The following CRPPA variants were observed in gnomAD, a reference collection of about 807,000 sequenced individuals.
CRPPA encodes CDP-L-ribitol pyrophosphorylase A.
Under a neutral mutation model 52.0 loss-of-function variants are expected in CRPPA, and 43 were observed. That is an observed-to-expected ratio of 0.83 (90% confidence interval 0.65 to 1.07). CRPPA has a LOEUF of 1.07. CRPPA is among the 50% of genes least tolerant of loss of function. The probability of loss-of-function intolerance (pLI) is 0.00; values close to 1 mark genes in which losing one functional copy is unlikely to be tolerated. For synonymous variants in CRPPA, 250 were observed against 203.5 expected, an observed-to-expected ratio of 1.23 and a Z score of -1.94; for missense variants, 629 against 551.7, an observed-to-expected ratio of 1.14 and a Z score of -1.40.
At chr7:16,163,861 T>C (rs1583401256) in intron 9 of CRPPA, among the ~76,000 whole-genome samples, 1 of 152,258 alleles carries the variant, frequency 6.6e-6, no homozygotes, top group Non-Finnish European at 1.5e-5. Context: ...TCTTCTGGCT[T>C]GTAGAGTTTC....
At chr7:16,383,587 TGCCCCCAGAG>T (rs1454172932) in intron 2 of CRPPA, among the ~76,000 whole-genome samples, 3 of 152,248 alleles carry the variant, frequency 2.0e-5, no homozygotes, top group Non-Finnish European at 2.9e-5. Context: ...GTCTGTGCCC[TGCCCCCAGAG>T]GTGGAGCCTA....
chr7:16,188,038 G>T (rs1781539542), intron 9 of CRPPA, among the ~76,000 whole-genome samples: 1 of 140,944 alleles, frequency 7.1e-6, no homozygotes, highest in Non-Finnish European at 1.5e-5. Flanking sequence ...ATGAATTTGG[G>T]TGAATTTTTT....
chr7:16,216,010 C>T, intron 9 of CRPPA, 56 bp downstream of exon 9: 4 of 1,340,836 alleles, frequency 3.0e-6, no homozygotes, highest in Non-Finnish European at 4.1e-6. Context: ...AATCAGATAC[C>T]TACCATTAAA....
At chr7:16,288,682 G>A (rs950707656) in intron 5 of CRPPA, among the ~76,000 whole-genome samples, 10 of 151,010 alleles carry the variant, frequency 6.6e-5, no homozygotes, top group African/African-American at 2.4e-4. Context: ...CCCCATCTCT[G>A]CTAAACATAC....
intron 9 of CRPPA, among the ~76,000 whole-genome samples, chr7:16,118,653 T>C (rs185592848): frequency 1.3e-5 from 2 of 152,292 alleles, no homozygotes; most frequent in Admixed American, 1.3e-4. Context: ...TTTTCATTGA[T>C]AGTTAAGATG....
intron 9 of CRPPA, among the ~76,000 whole-genome samples, chr7:16,159,974 T>C (rs1783268060): frequency 6.6e-6 from 1 of 152,252 alleles, no homozygotes; most frequent in Admixed American, 6.5e-5. Flanking sequence ...CATAACCGTC[T>C]TCTTTTGAAA....
At chr7:16,190,658 T>C (rs1781590921) in intron 9 of CRPPA, among the ~76,000 whole-genome samples, 1 of 152,222 alleles carries the variant, frequency 6.6e-6, no homozygotes, top group African/African-American at 2.4e-5. Context: ...ACAGGTGGTA[T>C]TTGGTTACAT....
chr7:16,217,150 C>T (rs1782350392), intron 8 of CRPPA, among the ~76,000 whole-genome samples: 1 of 146,824 alleles, frequency 6.8e-6, no homozygotes, highest in African/African-American at 2.5e-5. Flanking sequence ...CCCGAGCAGC[C>T]TAACTGGGAG....
intron 8 of CRPPA, among the ~76,000 whole-genome samples, chr7:16,219,902 C>CAA (rs1782451823): frequency 6.7e-6 from 1 of 148,752 alleles, no homozygotes; most frequent in African/African-American, 2.5e-5. Flanking sequence ...GAAACTATTC[C>CAA]AATCAACAGA....
chr7:16,168,440 A>C (rs1343977184), intron 9 of CRPPA, among the ~76,000 whole-genome samples: 1 of 152,080 alleles, frequency 6.6e-6, no homozygotes, highest in Non-Finnish European at 1.5e-5. Context: ...TTAAATTTAT[A>C]GTCCATATTT....
intron 1 of CRPPA, among the ~76,000 whole-genome samples, chr7:16,410,743 T>A (rs1420924940): frequency 6.6e-6 from 1 of 152,112 alleles, no homozygotes; most frequent in African/African-American, 2.4e-5. Context: ...AGGGAAGGCA[T>A]CTCTCATACT....
intron 2 of CRPPA, among the ~76,000 whole-genome samples, chr7:16,395,596 T>C (rs1234528280): frequency 2.6e-5 from 4 of 152,208 alleles, no homozygotes; most frequent in African/African-American, 9.6e-5. Context: ...TTGTCCAATA[T>C]AGAAACAGAG....
At chr7:16,312,217 T>G (rs1278325402) in intron 3 of CRPPA, among the ~76,000 whole-genome samples, 1 of 152,006 alleles carries the variant, frequency 6.6e-6, no homozygotes, top group African/African-American at 2.4e-5. Context: ...GGGGAGAAAT[T>G]ACATCTTGAC....
chr7:16,374,816 C>T (rs760444436), intron 3 of CRPPA, among the ~76,000 whole-genome samples: 1 of 151,882 alleles, frequency 6.6e-6, no homozygotes, highest in South Asian at 2.1e-4. Context: ...TATCATCCAC[C>T]TGAAAAAAAA....
At chr7:16,328,489 C>CTCTT (rs2128429221) in intron 3 of CRPPA, among the ~76,000 whole-genome samples, 1 of 46,340 alleles carries the variant, frequency 2.2e-5, no homozygotes, top group East Asian at 4.9e-4. Context: ...AGATAAATAG[C>CTCTT]TATCTCCAGG....
intron 8 of CRPPA, among the ~76,000 whole-genome samples, chr7:16,218,074 C>T (rs1782381084): frequency 6.6e-6 from 1 of 152,082 alleles, no homozygotes; most frequent in Non-Finnish European, 1.5e-5. Flanking sequence ...GGAAGCCCAT[C>T]AGACTAACAG....
At chr7:16,379,206 G>T (rs1352595512) in intron 2 of CRPPA, among the ~76,000 whole-genome samples, 1 of 152,178 alleles carries the variant, frequency 6.6e-6, no homozygotes, top group Non-Finnish European at 1.5e-5. Flanking sequence ...GAATGGTAAT[G>T]CCTAGGTTTT....
chr7:16,194,951 T>C (rs1437290562), intron 9 of CRPPA, among the ~76,000 whole-genome samples: 1 of 152,028 alleles, frequency 6.6e-6, no homozygotes, highest in East Asian at 1.9e-4. Flanking sequence ...TGGAGACTTT[T>C]GCAGCTTGAA....
At chr7:16,398,049 G>A (rs1787660302) in intron 2 of CRPPA, among the ~76,000 whole-genome samples, 1 of 152,246 alleles carries the variant, frequency 6.6e-6, no homozygotes, top group Admixed American at 6.5e-5. Context: ...ATGTGTCACA[G>A]CTGATCGAAA....
Sources: allele counts gnomAD v4.1 joint callset (sites outside exome capture counted in the v4.1 genomes callset), GRCh38; gene constraint gnomAD v4.1.1; transcripts MANE v1.5; gene names NCBI Gene and HGNC (gene_info 2026-07-23, HGNC 2026-07-21).